The following AUTS2 variants were observed in gnomAD, a reference collection of about 807,000 sequenced individuals.
AUTS2 encodes the protein activator of transcription and developmental regulator AUTS2.
Under a neutral mutation model 112.4 loss-of-function variants are expected in AUTS2, and 17 were observed. That is an observed-to-expected ratio of 0.15 (90% CI 0.10 to 0.23). AUTS2 has a LOEUF of 0.23. AUTS2 is among the 10% of genes least tolerant of loss of function. AUTS2 has a pLI of 1.00. For missense variants in AUTS2, 1,510 were observed against 1,701.6 expected (o/e 0.89, Z 1.98); for synonymous variants, 751 against 702.7 (o/e 1.07, Z -1.09).
At chr7:70,393,039 G>A (rs1331965963) in intron 4 of AUTS2, among the ~76,000 whole-genome samples, 2 of 152,212 alleles carry the variant, frequency 1.3e-5, no homozygotes, top group African/African-American at 2.4e-5. Flanking sequence ...ACAGGCAACC[G>A]ACTGCTCCCG....
At chr7:69,724,406 C>A (rs927694802) in intron 1 of AUTS2, among the ~76,000 whole-genome samples, 3 of 152,144 alleles carry the variant, frequency 2.0e-5, no homozygotes, top group Non-Finnish European at 4.4e-5. Context: ...TGAGACATTT[C>A]ATCATTGGAC....
At chr7:70,322,873 A>G (rs866108980) in intron 4 of AUTS2, among the ~76,000 whole-genome samples, 1 of 152,214 alleles carries the variant, frequency 6.6e-6, no homozygotes, top group Non-Finnish European at 1.5e-5. Context: ...ACTTATGTCC[A>G]GAGCACAAGT....
chr7:70,722,229 T>A (rs1786733515), intron 6 of AUTS2, among the ~76,000 whole-genome samples: 1 of 152,108 alleles, frequency 6.6e-6, no homozygotes, highest in African/African-American at 2.4e-5. Flanking sequence ...CTTTGTGAAT[T>A]TCCTCATGGT....
chr7:70,131,120 C>T (rs1441290705), intron 3 of AUTS2, among the ~76,000 whole-genome samples: 3 of 151,990 alleles, frequency 2.0e-5, no homozygotes, highest in African/African-American at 7.3e-5. Flanking sequence ...CTTGAAGTCT[C>T]CAAGCAAAAA....
At position 70,361,572 on chromosome 7, in the gene AUTS2, C is replaced by G. The variant is rs558606282; in HGVS notation, c.661-74180C>G. ...AAATAATGACTAGGTTCCTAAGATG[C>G]CTTTACGCTTCCTAGAAGAATCTGC... On this transcript the variant is annotated intron_variant, in intron 4 of 18. Transcript: ENST00000342771. 2.6e-5 allele frequency among the ~76,000 whole-genome samples: 4 copies of G among 152,070 alleles called. No individual in the cohort carries two copies. The South Asian group carries it at 8.3e-4, about 32-fold the overall frequency.
chr7:70,064,388 A>T (rs7779308), intron 2 of AUTS2, among the ~76,000 whole-genome samples: 38,226 of 152,060 alleles, frequency 0.25, 4,782 homozygotes, highest in Middle Eastern at 0.34. Flanking sequence ...CAGAAATAGC[A>T]CCTTTAACTG....
At chr7:70,237,592 A>G (rs1329602938) in intron 4 of AUTS2, among the ~76,000 whole-genome samples, 1 of 152,226 alleles carries the variant, frequency 6.6e-6, no homozygotes, top group Non-Finnish European at 1.5e-5. Flanking sequence ...GCTTATCCTA[A>G]TTAAAGAATC....
At chr7:70,772,038 T>G (rs1210378871) in intron 11 of AUTS2, among the ~76,000 whole-genome samples, 1 of 152,238 alleles carries the variant, frequency 6.6e-6, no homozygotes, top group East Asian at 1.9e-4. Flanking sequence ...GCTGGGTCCT[T>G]ACTGATTTTA....
chr7:70,633,176 G>A (rs1805358253), intron 5 of AUTS2, among the ~76,000 whole-genome samples: 1 of 152,192 alleles, frequency 6.6e-6, no homozygotes, highest in Non-Finnish European at 1.5e-5. Context: ...AGAAGGGAGA[G>A]ACATAGAGCA....
At chr7:70,144,381 C>T (rs1036043267) in intron 4 of AUTS2, among the ~76,000 whole-genome samples, 3 of 151,872 alleles carry the variant, frequency 2.0e-5, no homozygotes, top group African/African-American at 7.3e-5. Context: ...GATATGAAAA[C>T]CTGGTTTTTC....
intron 4 of AUTS2, among the ~76,000 whole-genome samples, chr7:70,244,661 G>A (rs1372391730): frequency 6.6e-6 from 1 of 152,136 alleles, no homozygotes; most frequent in Non-Finnish European, 1.5e-5. Flanking sequence ...CAATTGATAT[G>A]CTTTATGGAT....
chr7:70,058,855 T>G (rs1276418961), intron 2 of AUTS2, among the ~76,000 whole-genome samples: 1 of 152,138 alleles, frequency 6.6e-6, no homozygotes, highest in African/African-American at 2.4e-5. Context: ...ACACATACAC[T>G]TCATTTTTTA....
chr7:70,068,177 T>TG lies in AUTS2; in HGVS notation c.523-49955_523-49954insG, dbSNP rs1414773859. ...GCAAAACATAAGTAGATTTTTTTTTTCTTTTTTTTTTTTTTGAGAGAGATG... is the reference window on the plus strand; with the variant it reads ...GCAAAACATAAGTAGATTTTTTTTTTGCTTTTTTTTTTTTTTGAGAGAGATG... On this transcript the variant is annotated intron_variant, in intron 2 of 18. Transcript: ENST00000342771. 8.3e-4 allele frequency among the ~76,000 whole-genome samples: 126 copies of TG among 151,268 alleles called. 1 individual carries two copies. The highest frequency in any genetic ancestry group is 1.5e-3 in the Non-Finnish European group (101 of 67,760).
intron 5 of AUTS2, among the ~76,000 whole-genome samples, chr7:70,479,295 G>C (rs979756256): frequency 3.3e-5 from 5 of 152,136 alleles, no homozygotes; most frequent in African/African-American, 1.2e-4. Flanking sequence ...TGTGTTGTAA[G>C]GTTGGGGAAA....
chr7:70,221,376 TTATATACAATTAA>T (rs1222522025), intron 4 of AUTS2, among the ~76,000 whole-genome samples: 1 of 152,258 alleles, frequency 6.6e-6, no homozygotes, highest in African/African-American at 2.4e-5. Flanking sequence ...GGTGTAAAAT[TTATATACAATTAA>T]TCGTACCAAC....
chr7:70,203,563 ATTACT>A (rs775976194), intron 4 of AUTS2, among the ~76,000 whole-genome samples: 1 of 147,428 alleles, frequency 6.8e-6, no homozygotes, highest in South Asian at 2.2e-4. Context: ...AAATCTAACA[ATTACT>A]TTAAGAAGCA....
intron 5 of AUTS2, among the ~76,000 whole-genome samples, chr7:70,474,446 C>G (rs529215952): frequency 6.6e-6 from 1 of 152,326 alleles, no homozygotes; most frequent in South Asian, 2.1e-4. Flanking sequence ...TTATAACAGT[C>G]ATGGTCCTCA....
At position 70,246,590 on chromosome 7, in the gene AUTS2, A is replaced by T. The variant is rs568027812; in HGVS notation, c.660+112019A>T. The stretch of plus-strand genomic sequence containing the variant: ...ACAACACAACACTGTTGAAATTATT[A>T]CAACTTTTAATTATTGCTTGATATT... On this transcript the variant is annotated intron_variant, in intron 4 of 18. Coordinates refer to ENST00000342771, the MANE Select transcript of AUTS2 (RefSeq NM_015570.4). Among the ~76,000 whole-genome samples the T allele has an allele frequency of 6.6e-5, 10 of 152,212 alleles. No homozygotes were observed. The South Asian group carries it at 2.1e-3, about 32-fold the overall frequency.
intron 4 of AUTS2, among the ~76,000 whole-genome samples, chr7:70,181,946 C>T (rs1009198873): frequency 3.3e-5 from 5 of 151,684 alleles, no homozygotes; most frequent in Admixed American, 6.6e-5. Context: ...TACAGGCACC[C>T]GCCACCACGC....
Sources: gnomAD v4.1 joint callset for allele counts (sites outside exome capture counted in the v4.1 genomes callset) on GRCh38, gnomAD v4.1.1 for gene constraint, MANE v1.5 for transcripts, NCBI Gene and HGNC (gene_info 2026-07-23, HGNC 2026-07-21) for gene names.